FAM222A: variants seen among roughly 807,000 people sequenced by gnomAD.
FAM222A encodes the protein family with sequence similarity 222 member A.
Under a neutral mutation model 25.8 loss-of-function variants are expected in FAM222A, and 7 were observed. The ratio of observed to expected loss-of-function variants is 0.27; its 90% CI spans 0.15 to 0.51. The LOEUF (loss-of-function observed/expected upper bound fraction) is 0.51, where lower values mean the gene tolerates loss of function less well. FAM222A is among the 20% of genes least tolerant of loss of function. FAM222A has a pLI of 0.97. For synonymous variants in FAM222A, 294 were observed against 298.8 expected (o/e 0.98, Z 0.17); for missense variants, 573 against 640.5 (o/e 0.89, Z 1.14).
At chr12:109,760,785 A>G (rs922765865) in intron 2 of FAM222A, among the ~76,000 whole-genome samples, 9 of 152,206 alleles carry the variant, frequency 5.9e-5, no homozygotes, top group Admixed American at 2.6e-4. Flanking sequence ...GGAACAGTCA[A>G]CAGAGGGTGG....
intron 1 of FAM222A, among the ~76,000 whole-genome samples, chr12:109,719,908 G>C (rs916459633): frequency 6.6e-6 from 1 of 152,172 alleles, no homozygotes; most frequent in Non-Finnish European, 1.5e-5. Context: ...CTTGGGAGTC[G>C]CAGACCTGGG....
At chr12:109,734,208 CA>C (rs11403160) in intron 1 of FAM222A, 315 of 72,468 alleles carry the variant, frequency 4.3e-3, no homozygotes, top group East Asian at 0.016. Flanking sequence ...ACCCTGTCTC[CA>C]AAAAAAAAAA....
At chr12:109,744,077 G>T in intron 1 of FAM222A, 24 bp from the exon 2 acceptor site, 2 of 1,570,814 alleles carry the variant, frequency 1.3e-6, no homozygotes, top group South Asian at 2.3e-5. Context: ...CCAAGTGACA[G>T]AGCACCCCAT....
intron 2 of FAM222A, among the ~76,000 whole-genome samples, chr12:109,748,557 ATAAT>A (rs955138053): frequency 2.0e-5 from 3 of 152,026 alleles, no homozygotes; most frequent in Non-Finnish European, 4.4e-5. Flanking sequence ...TTCTTCTCTA[ATAAT>A]TAGTTTGATT....
chr12:109,738,177 C>T (rs1888138064), intron 1 of FAM222A, among the ~76,000 whole-genome samples: 1 of 152,154 alleles, frequency 6.6e-6, no homozygotes, highest in African/African-American at 2.4e-5. Context: ...TTCCTGAGGA[C>T]ATTCCTGGGC....
chr12:109,731,202 C>T (rs751411721), intron 1 of FAM222A, among the ~76,000 whole-genome samples: 1 of 152,030 alleles, frequency 6.6e-6, no homozygotes, highest in Non-Finnish European at 1.5e-5. Flanking sequence ...TAGTGCCTTG[C>T]GGGTCTGGAG....
At chr12:109,767,959 G>GA (rs1339550199) in intron 2 of FAM222A, 53 bp from the exon 3 acceptor site, 1 of 1,559,880 alleles carries the variant, frequency 6.4e-7, no homozygotes, top group Non-Finnish European at 8.7e-7. Flanking sequence ...GCCCTGTGGG[G>GA]AGAGGTTGGC....
chr12:109,730,533 TCAGA>T (rs1887927963), intron 1 of FAM222A, among the ~76,000 whole-genome samples: 1 of 152,166 alleles, frequency 6.6e-6, no homozygotes, highest in Non-Finnish European at 1.5e-5. Flanking sequence ...CTTGGGACAC[TCAGA>T]CAAGAAGCTC....
At chr12:109,751,470 C>G (rs1249953044) in intron 2 of FAM222A, among the ~76,000 whole-genome samples, 2 of 152,180 alleles carry the variant, frequency 1.3e-5, no homozygotes, top group Non-Finnish European at 2.9e-5. Context: ...AGGTCCTATG[C>G]TGGTTCAATT....
rs1016785688 is a variant in FAM222A at position 109,714,565 on chromosome 12, G to A, written c.-379G>A. ...GGCGCGGGCCGAGCTGCAGCCTTGA[G>A]CGGGGCCCCGAGGGGAGGCGCAGCG... On this transcript the variant is annotated 5_prime_UTR_variant, in exon 1 of 3. Transcript: ENST00000538780. This position sits in a 1 kb window ranked among gnomAD's most constrained non-coding sequence, Gnocchi z 4.2. The A allele has an allele frequency of 6.6e-6, 1 of 151,776 alleles. No individual in the cohort carries two copies. 9.4% of individuals were successfully genotyped at this position (151,776 alleles called of 1,614,324 possible). A position where few individuals can be genotyped will look rare whatever the true frequency, so the allele number is the denominator to read the frequency against.
At chr12:109,718,370 CG>C (rs1566182451) in intron 1 of FAM222A, among the ~76,000 whole-genome samples, 1 of 140,772 alleles carries the variant, frequency 7.1e-6, no homozygotes, top group Non-Finnish European at 1.5e-5. Flanking sequence ...GGGACTTGGC[CG>C]GGGGTCCCTC....
At chr12:109,722,605 A>T (rs1471612260) in intron 1 of FAM222A, 1 of 152,332 alleles carries the variant, frequency 6.6e-6, no homozygotes, top group Non-Finnish European at 1.5e-5. Flanking sequence ...CCTGGCAGTG[A>T]CGGGCAGGAG....
At chr12:109,747,020 T>G (rs1229569761) in intron 2 of FAM222A, among the ~76,000 whole-genome samples, 3 of 152,230 alleles carry the variant, frequency 2.0e-5, no homozygotes, top group Non-Finnish European at 4.4e-5. Context: ...GCATTTCCTT[T>G]GAATGACATG....
At chr12:109,731,223 A>G in intron 1 of FAM222A, among the ~76,000 whole-genome samples, 1 of 152,030 alleles carries the variant, frequency 6.6e-6, no homozygotes, top group Non-Finnish European at 1.5e-5. Context: ...AATGAGGGCT[A>G]CTAGGATGCT....
At chr12:109,734,394 T>G (rs1249871565) in intron 1 of FAM222A, 3 of 151,742 alleles carry the variant, frequency 2.0e-5, no homozygotes, top group Non-Finnish European at 4.4e-5. Context: ...GCTGGTGAAT[T>G]GGCTCCACCG....
chr12:109,729,622 C>T (rs2136324005), intron 1 of FAM222A, among the ~76,000 whole-genome samples: 1 of 152,394 alleles, frequency 6.6e-6, no homozygotes, highest in Middle Eastern at 3.4e-3. Context: ...ATAGAAGCCG[C>T]TGCAGCAACA....
At chr12:109,747,176 C>T (rs1808551395) in intron 2 of FAM222A, among the ~76,000 whole-genome samples, 2 of 152,210 alleles carry the variant, frequency 1.3e-5, no homozygotes, top group South Asian at 4.1e-4. Flanking sequence ...TCACTGAAGC[C>T]TCCGCCTCCC....
intron 1 of FAM222A, among the ~76,000 whole-genome samples, chr12:109,737,082 C>T (rs989538846): frequency 6.6e-6 from 1 of 152,102 alleles, no homozygotes; most frequent in Non-Finnish European, 1.5e-5. Context: ...TTATTATGTA[C>T]CTTGTATGTC....
At chr12:109,721,942 G>A (rs542366219) in intron 1 of FAM222A, among the ~76,000 whole-genome samples, 1 of 152,334 alleles carries the variant, frequency 6.6e-6, no homozygotes, top group Admixed American at 6.5e-5. Flanking sequence ...CTGAGGCTTG[G>A]CTCAGCTAAG....
Sources: gnomAD v4.1 joint callset for allele counts (sites outside exome capture counted in the v4.1 genomes callset) on GRCh38, gnomAD v4.1.1 for gene constraint, Gnocchi (gnomAD v3.1) non-coding constraint, MANE v1.5 for transcripts, NCBI Gene and HGNC (gene_info 2026-07-23, HGNC 2026-07-21) for gene names.